PTPRZ1: variants seen among roughly 807,000 people sequenced by gnomAD.
The protein encoded by PTPRZ1 is receptor-type tyrosine-protein phosphatase zeta.
A neutral mutation model predicts 214.1 loss-of-function variants in PTPRZ1; 82 were observed. The ratio of observed to expected loss-of-function variants is 0.38; its 90% CI spans 0.32 to 0.46. The LOEUF (loss-of-function observed/expected upper bound fraction) is 0.46. Among genes scored for constraint, PTPRZ1 ranks in the 20% least tolerant of loss-of-function variants. PTPRZ1 has a pLI of 1.00. For synonymous variants in PTPRZ1, 945 were observed against 987.9 expected (o/e 0.96, Z 0.81); for missense variants, 2,603 against 2,748.7 (o/e 0.95, Z 1.19).
At chr7:121,882,633 G>C (rs1794276607) in intron 1 of PTPRZ1, among the ~76,000 whole-genome samples, 1 of 152,134 alleles carries the variant, frequency 6.6e-6, no homozygotes, top group African/African-American at 2.4e-5. Context: ...AATTACTAAA[G>C]GGTTTTGAGC....
In PTPRZ1 at chr7:122,033,463, TA is replaced by T. The variant is rs960890968; in HGVS notation, c.5167-625del. Among the ~76,000 whole-genome samples, 13 of 151,796 alleles carry T rather than the reference TA, an allele frequency of 8.6e-5. No homozygotes were observed. In the South Asian group the frequency reaches 1.0e-3, roughly 12 times the overall value. Reference sequence around the variant, plus strand: ...TGAAAGCATATTAACTCATTTTTAATAAAAAAATGGGCAGAAATAAATTTTC... The same window carrying T: ...TGAAAGCATATTAACTCATTTTTAATAAAAAATGGGCAGAAATAAATTTTC... On this transcript the variant is annotated intron_variant, in intron 15 of 29. Coordinates refer to ENST00000393386, the MANE Select transcript of PTPRZ1 (RefSeq NM_002851.3).
chr7:122,037,244 C>T (rs188678872), intron 18 of PTPRZ1, among the ~76,000 whole-genome samples: 377 of 148,962 alleles, frequency 2.5e-3, no homozygotes, highest in African/African-American at 8.7e-3. Flanking sequence ...TTCTGCACTC[C>T]AGCCTGGGCA....
intron 2 of PTPRZ1, among the ~76,000 whole-genome samples, chr7:121,941,722 G>A (rs1413444713): frequency 2.6e-5 from 4 of 151,980 alleles, no homozygotes; most frequent in Non-Finnish European, 4.4e-5. Flanking sequence ...TTTTATAATG[G>A]TCCTTTTATG....
Position 122,010,955 on chromosome 7 carries a change from T to C in PTPRZ1, c.1909T>C (p.Ser637Pro). 6.2e-7 allele frequency: 1 copy of C among 1,614,134 alleles called. No homozygotes were observed. Residue 637 changes from serine to proline, a missense_variant, in exon 12 of 30, where the codon TCA (serine) becomes CCA (proline). This residue lies in a region of PTPRZ1 where 1,913 missense variants were observed against 1,914.3 expected (regional missense o/e 1.00). Coordinates refer to ENST00000393386, the MANE Select transcript of PTPRZ1 (RefSeq NM_002851.3). The part of the protein sequence containing the change: ...ARNASEDSTS[S>P]GSEESLKDPS... Reference sequence around the variant, plus strand: ...AAATGCTTCCGAAGATTCAACTTCATCAGGTTCAGAAGAATCACTAAAGGA... The same window carrying C: ...AAATGCTTCCGAAGATTCAACTTCACCAGGTTCAGAAGAATCACTAAAGGA...
chr7:122,059,035 C>A, intron 28 of PTPRZ1, 93 bp downstream of exon 28: 1 of 1,221,904 alleles, frequency 8.2e-7, no homozygotes, highest in Non-Finnish European at 1.1e-6. Context: ...TGCTTTGGAC[C>A]CACTGTGATG....
chr7:121,906,539 G>C (rs1206477), intron 1 of PTPRZ1, among the ~76,000 whole-genome samples: 92,967 of 152,074 alleles, frequency 0.61, 30,583 homozygotes, highest in African/African-American at 0.86. Context: ...TTCCATAGTT[G>C]CAATTAAGCT....
intron 2 of PTPRZ1, among the ~76,000 whole-genome samples, chr7:121,928,967 G>T (rs942565685): frequency 2.0e-5 from 3 of 152,128 alleles, no homozygotes; most frequent in African/African-American, 7.2e-5. Context: ...CAGTAAACTT[G>T]GGTTGATAAG....
chr7:121,902,649 T>C (rs568000571), intron 1 of PTPRZ1, among the ~76,000 whole-genome samples: 92 of 152,154 alleles, frequency 6.0e-4, no homozygotes, highest in Non-Finnish European at 1.2e-3. Flanking sequence ...CTATCTGCCA[T>C]TTGTATGTCT....
At chr7:122,037,441 T>C (rs1799584285) in intron 18 of PTPRZ1, among the ~76,000 whole-genome samples, 2 of 152,180 alleles carry the variant, frequency 1.3e-5, no homozygotes, top group African/African-American at 2.4e-5. Context: ...TAATTTTGGG[T>C]ATTCCTCAGG....
intron 10 of PTPRZ1, among the ~76,000 whole-genome samples, chr7:122,001,294 A>G (rs887755524): frequency 6.6e-6 from 1 of 152,194 alleles, no homozygotes; most frequent in Admixed American, 6.5e-5. Context: ...TACATTTATG[A>G]ATAAATAATT....
Position 121,983,994 on chromosome 7 carries a change from A to G in PTPRZ1, c.805A>G (p.Met269Val), listed in dbSNP as rs1388480904. The change falls in exon 8 of 30, where the codon ATG (methionine) becomes GTG (valine). Residue 269 changes from methionine (M) to valine (V), a missense_variant. Transcript: ENST00000393386. ...QLAVFCEVLT[M>V]QQSGYVMLMD... is the part of the protein sequence containing the mutation. Reference sequence around the variant, plus strand: ...GGCTGTTTTTTGTGAAGTTCTTACAATGCAACAATCTGGTTATGTCATGCT... The same window carrying G: ...GGCTGTTTTTTGTGAAGTTCTTACAGTGCAACAATCTGGTTATGTCATGCT... 1 of 1,613,184 alleles carries G rather than the reference A, an allele frequency of 6.2e-7. No individual in the cohort carries two copies. Among genetic ancestry groups the G allele is most frequent in the South Asian group, 1.1e-5 (1 of 90,926 alleles).
chr7:122,010,967 G>A lies in PTPRZ1; in HGVS notation c.1921G>A (p.Glu641Lys), dbSNP rs1355241195. The change falls in exon 12 of 30, where the codon GAA becomes AAA. Residue 641 changes from glutamate (E) to lysine (K), a missense_variant. Physicochemically the swap from Glu to Lys is moderately conservative, Grantham distance 56 (BLOSUM62 1). Around this residue, in one of 6 missense-constraint regions of PTPRZ1, gnomAD observed 1,913 missense variants for 1,914.3 expected, o/e 1.00. Transcript: ENST00000393386. ...AGATTCAACTTCATCAGGTTCAGAA[G>A]AATCACTAAAGGATCCTTCTATGGA... is the stretch of plus-strand genomic sequence containing the variant. Reference protein sequence around the residue: ...SEDSTSSGSEESLKDPSMEGN... With the variant: ...SEDSTSSGSEKSLKDPSMEGN... The A allele has an allele frequency of 2.5e-6, 4 of 1,614,136 alleles. No homozygotes were observed. Among genetic ancestry groups the A allele is most frequent in the Non-Finnish European group, 3.4e-6 (4 of 1,180,020 alleles).
At chr7:121,947,628 A>G (rs914316592) in intron 2 of PTPRZ1, among the ~76,000 whole-genome samples, 10 of 152,228 alleles carry the variant, frequency 6.6e-5, no homozygotes, top group African/African-American at 2.4e-4. Flanking sequence ...TAAGAAATAT[A>G]TCATTTAATA....
intron 22 of PTPRZ1, 111 bp from the exon 23 acceptor site, chr7:122,044,311 C>T: frequency 7.8e-7 from 1 of 1,274,296 alleles, no homozygotes; most frequent in Non-Finnish European, 1.1e-6. Flanking sequence ...TGTGGGTCTT[C>T]CCCCATTCTG....
chr7:122,004,995 C>T (rs1169860805), intron 11 of PTPRZ1, among the ~76,000 whole-genome samples: 1 of 151,758 alleles, frequency 6.6e-6, no homozygotes, highest in Non-Finnish European at 1.5e-5. Flanking sequence ...TTCTGAAAAA[C>T]TAAAATTATA....
chr7:121,916,047 G>A (rs537105701), intron 1 of PTPRZ1, among the ~76,000 whole-genome samples: 11 of 152,020 alleles, frequency 7.2e-5, no homozygotes, highest in African/African-American at 2.2e-4. Context: ...AGGCCGAGGC[G>A]GGCAGATCAT....
intron 6 of PTPRZ1, among the ~76,000 whole-genome samples, chr7:121,979,440 T>C (rs1797537868): frequency 6.6e-6 from 1 of 152,214 alleles, no homozygotes. Context: ...TGATTTATAG[T>C]GCTTTCTTAA....
At chr7:122,024,943 T>A (rs1176218516) in intron 13 of PTPRZ1, among the ~76,000 whole-genome samples, 1 of 152,194 alleles carries the variant, frequency 6.6e-6, no homozygotes, top group Non-Finnish European at 1.5e-5. Flanking sequence ...ATATCTTATC[T>A]CTCCTTCCAA....
In PTPRZ1 at chr7:122,013,440, GTCT is replaced by G; in HGVS notation, c.4396_4398del (p.Leu1466del). Reference sequence around the variant, plus strand: ...AATGATTCAGACACCCACGAAAACAGTCTTATGGATCAGAATAATCCAATCTCA... The same window carrying G: ...AATGATTCAGACACCCACGAAAACAGTATGGATCAGAATAATCCAATCTCA... On this transcript the variant is annotated inframe_deletion, in exon 12 of 30. Transcript: ENST00000393386. The G allele has an allele frequency of 1.2e-6, 2 of 1,614,192 alleles. No homozygotes were observed. The highest frequency in any genetic ancestry group is 1.6e-4 in the Middle Eastern group (1 of 6,062).
Sources: allele counts gnomAD v4.1 joint callset (sites outside exome capture counted in the v4.1 genomes callset), GRCh38; gene constraint gnomAD v4.1.1; regional missense constraint gnomAD v4.1.1; transcripts MANE v1.5; gene names NCBI Gene and HGNC (gene_info 2026-07-23, HGNC 2026-07-21).